VASN: variants seen among roughly 807,000 people sequenced by gnomAD.
VASN encodes the protein protein slit-like 2.
A neutral mutation model predicts 4.8 loss-of-function variants in VASN; 5 were observed. The ratio of observed to expected loss-of-function variants is 1.03; its 90% confidence interval spans 0.54 to 2.17. The LOEUF is 2.17. Ranked by LOEUF, VASN falls within the 30% of genes most tolerant of loss-of-function variation. The probability of loss-of-function intolerance (pLI) is 0.01; values close to 1 mark genes in which losing one functional copy is unlikely to be tolerated. For synonymous variants in VASN, 499 were observed against 460.8 expected (o/e 1.08, Z -1.06); for missense variants, 927 against 948.8 (o/e 0.98, Z 0.30).
rs543752213 is a variant in VASN, at chr16:4,382,148, C to G, written c.1271C>G (p.Thr424Arg). 25 of 1,591,844 alleles carry G rather than the reference C, an allele frequency of 1.6e-5. No homozygotes were observed. In the East Asian group the frequency reaches 5.5e-4, roughly 35 times the overall value. The change falls in exon 2 of 2, where the codon ACA becomes AGA. Residue 424 changes from threonine to arginine, a missense_variant. By Grantham distance (71) the Thr-to-Arg change is moderately conservative (BLOSUM62 -1). Coordinates refer to ENST00000304735, the MANE Select transcript of VASN (RefSeq NM_138440.3). ...AATGGGGGCACATGCCACCTGGGGA[C>G]ACGGCACCACCTGGCGTGCTTGTGC... The part of the protein sequence containing the change: ...CLNGGTCHLG[T>R]RHHLACLCPE...
chr16:4,378,066 C>A (rs1012295620), intron 1 of VASN, among the ~76,000 whole-genome samples: 1 of 152,170 alleles, frequency 6.6e-6, no homozygotes, highest in Non-Finnish European at 1.5e-5. Context: ...GGCTGGTCCC[C>A]CTCCCCAGTG....
chr16:4,379,054 C>G, intron 1 of VASN, among the ~76,000 whole-genome samples: 1 of 152,014 alleles, frequency 6.6e-6, no homozygotes, highest in African/African-American at 2.4e-5. Context: ...TGTCCTGGGA[C>G]CACCTGCTCC....
In VASN at chr16:4,382,672, GT is replaced by G; in HGVS notation, c.1796del (p.Val599GlyfsTer29). Reference sequence around the variant, plus strand: ...GGCTGCGGTGGGGGCAGCCTACTGTGTGCGGCGGGGGCGGGCCATGGCAGCA... The same window carrying G: ...GGCTGCGGTGGGGGCAGCCTACTGTGGCGGCGGGGGCGGGCCATGGCAGCA... ...ALAAVGAAYC[V>X]RRGRAMAAAA... On this transcript the variant is annotated frameshift_variant, in exon 2 of 2. Transcript: ENST00000304735. LOFTEE classifies it high-confidence loss of function. 1 of 1,548,934 alleles carries G rather than the reference GT, an allele frequency of 6.5e-7. No homozygotes were observed. Among genetic ancestry groups the G allele is most frequent in the Non-Finnish European group, 8.7e-7 (1 of 1,148,622 alleles).
chr16:4,375,323 A>C lies in VASN; in HGVS notation c.-10+3330A>C, dbSNP rs145927802. 3.3e-5 allele frequency among the ~76,000 whole-genome samples: 5 copies of C among 152,332 alleles called. No homozygotes were observed. The East Asian group carries it at 9.6e-4, about 29-fold the overall frequency. Reference sequence around the variant, plus strand: ...CTCTCCCAGCCCTGCCAGCTGGTCCACACCTGCTCCAGGATACAGAGCCTC... The same window carrying C: ...CTCTCCCAGCCCTGCCAGCTGGTCCCCACCTGCTCCAGGATACAGAGCCTC... On this transcript the variant is annotated intron_variant, in intron 1 of 1. Transcript: ENST00000304735.
intron 1 of VASN, among the ~76,000 whole-genome samples, chr16:4,373,828 G>C (rs1452908848): frequency 6.6e-6 from 1 of 152,172 alleles, no homozygotes; most frequent in Non-Finnish European, 1.5e-5. Context: ...CAGACAGCCA[G>C]TCCTGCCAGT....
At chr16:4,374,998 C>G (rs576733272) in intron 1 of VASN, among the ~76,000 whole-genome samples, 72 of 152,242 alleles carry the variant, frequency 4.7e-4, no homozygotes, top group African/African-American at 1.7e-3. Flanking sequence ...GGCATCACAC[C>G]TGCCGCGTGC....
At chr16:4,380,676 A>G (rs2054923580) in intron 1 of VASN, among the ~76,000 whole-genome samples, 193 bp from the exon 2 acceptor site, 1 of 152,218 alleles carries the variant, frequency 6.6e-6, no homozygotes, top group Non-Finnish European at 1.5e-5. Flanking sequence ...GTGCATTGAC[A>G]AGGTCACACA....
At chr16:4,373,090 G>C (rs541930586) in intron 1 of VASN, among the ~76,000 whole-genome samples, 9 of 152,240 alleles carry the variant, frequency 5.9e-5, no homozygotes, top group African/African-American at 1.9e-4. Flanking sequence ...GGGCAGCAAA[G>C]TCCAGGATGG....
intron 1 of VASN, among the ~76,000 whole-genome samples, chr16:4,377,219 C>T (rs996878723): frequency 1.3e-5 from 2 of 152,154 alleles, no homozygotes; most frequent in Non-Finnish European, 2.9e-5. Flanking sequence ...CTTCCCACCC[C>T]CCGACGTCCC....
At position 4,383,151 on chromosome 16, in the gene VASN, G is replaced by A. The variant is rs1010911907; in HGVS notation, c.*252G>A. The A allele has an allele frequency of 1.5e-4, 71 of 473,494 alleles. 1 individual carries two copies. In the East Asian group the frequency reaches 2.1e-3, roughly 14 times the overall value. 29.3% of individuals were successfully genotyped at this position (473,494 alleles called of 1,614,324 possible). ...GAGGACAGTGTCCGCCCTGCCCTCC[G>A]CAACGTGCAGTCCCTGGGCACGGCG... On this transcript the variant is annotated 3_prime_UTR_variant, in exon 2 of 2. Coordinates refer to ENST00000304735, the MANE Select transcript of VASN (RefSeq NM_138440.3).
rs1243017439 is a variant in VASN at position 4,382,874 on chromosome 16, C to T, written c.1997C>T (p.Pro666Leu). 1 of 1,553,646 alleles carries T rather than the reference C, an allele frequency of 6.4e-7. No individual in the cohort carries two copies. Among genetic ancestry groups the T allele is most frequent in the Non-Finnish European group, 8.7e-7 (1 of 1,151,204 alleles). The change falls in exon 2 of 2, where the codon CCC becomes CTC. Residue 666 changes from proline to leucine, a missense_variant. Physicochemically the swap from Pro to Leu is moderately conservative, Grantham distance 98. Coordinates refer to ENST00000304735, the MANE Select transcript of VASN (RefSeq NM_138440.3). ...MGFPGPGLQS[P>L]LHAKPYI The stretch of plus-strand genomic sequence containing the variant: ...TTCCCAGGGCCTGGCCTCCAGTCAC[C>T]CCTCCACGCAAAGCCCTACATCTAA...
chr16:4,381,870 GC>G lies in VASN; in HGVS notation c.996del (p.Lys333ArgfsTer68), dbSNP rs778406528. On this transcript the variant is annotated frameshift_variant, in exon 2 of 2. Coordinates refer to ENST00000304735, the MANE Select transcript of VASN (RefSeq NM_138440.3). LOFTEE classifies it low-confidence loss of function (END_TRUNC). ...CTGAGGAGACGCGCTGCCACTTCCC[GC>G]CCAAGAACGCTGGCCGGCTGCTCCT... Reference protein sequence around the residue: ...SPEETRCHFPPKNAGRLLLEL... With the variant: ...SPEETRCHFPXKNAGRLLLEL... 1.9e-6 allele frequency: 3 copies of G among 1,603,584 alleles called. No individual in the cohort carries two copies. Among genetic ancestry groups the G allele is most frequent in the Non-Finnish European group, 8.5e-7 (1 of 1,179,608 alleles).
rs368683941 is a variant in VASN at position 4,381,357 on chromosome 16, G to T, written c.480G>T (p.Leu160=). 1.3e-6 allele frequency: 2 copies of T among 1,598,702 alleles called. No homozygotes were observed. The highest frequency in any genetic ancestry group is 8.5e-7 in the Non-Finnish European group (1 of 1,174,190). ...AGCTCAAGCTGCAGGACAACGAGCT[G>T]CGGGCACTGCCCCCGCTGCGCCTGC... ...LLELKLQDNE[L]RALPPLRLPR... Residue 160 remains leucine (L), a synonymous_variant, in exon 2 of 2, where the codon CTG becomes CTT. Transcript: ENST00000304735.
Position 4,381,287 on chromosome 16 carries a change from G to T in VASN, c.410G>T (p.Arg137Leu). The T allele has an allele frequency of 5.6e-6, 9 of 1,612,222 alleles. No individual in the cohort carries two copies. Among genetic ancestry groups the T allele is most frequent in the Non-Finnish European group, 7.6e-6 (9 of 1,179,744 alleles). ...ERLYLGKNRI[R>L]HIQPGAFDTL... ...CTCTACCTGGGCAAGAACCGCATCC[G>T]CCACATCCAGCCTGGTGCCTTCGAC... is the stretch of plus-strand genomic sequence containing the variant. The change falls in exon 2 of 2, where the codon CGC (arginine) becomes CTC (leucine). Residue 137 changes from arginine to leucine, a missense_variant. By Grantham distance (102) the Arg-to-Leu change is moderately radical. Transcript: ENST00000304735.
At chr16:4,376,464 G>T (rs918542588) in intron 1 of VASN, among the ~76,000 whole-genome samples, 1 of 152,182 alleles carries the variant, frequency 6.6e-6, no homozygotes, top group African/African-American at 2.4e-5. Flanking sequence ...GAAGCATACG[G>T]CACAGGAGGG....
In VASN at chr16:4,381,297, G is replaced by C. The variant is rs1179178884; in HGVS notation, c.420G>C (p.Gln140His). ...YLGKNRIRHI[Q>H]PGAFDTLDRL... ...GCAAGAACCGCATCCGCCACATCCAGCCTGGTGCCTTCGACACGCTCGACC... is the reference window on the plus strand; with the variant it reads ...GCAAGAACCGCATCCGCCACATCCACCCTGGTGCCTTCGACACGCTCGACC... The change falls in exon 2 of 2, where the codon CAG (glutamine) becomes CAC (histidine). Residue 140 changes from glutamine (Q) to histidine (H), a missense_variant. Coordinates refer to ENST00000304735, the MANE Select transcript of VASN (RefSeq NM_138440.3). 1 of 1,612,360 alleles carries C rather than the reference G, an allele frequency of 6.2e-7. No homozygotes were observed.
intron 1 of VASN, among the ~76,000 whole-genome samples, chr16:4,374,364 G>A (rs1484375008): frequency 6.6e-6 from 1 of 152,118 alleles, no homozygotes; most frequent in Non-Finnish European, 1.5e-5. Flanking sequence ...GAGGAGGCTG[G>A]AGGAGGCTCC....
chr16:4,374,301 G>A (rs1380520724), intron 1 of VASN, among the ~76,000 whole-genome samples: 1 of 152,020 alleles, frequency 6.6e-6, no homozygotes, highest in Non-Finnish European at 1.5e-5. Flanking sequence ...CTTTCCCTCC[G>A]CGCTGGGCCG....
chr16:4,374,387 C>T (rs991153678), intron 1 of VASN, among the ~76,000 whole-genome samples: 2 of 151,738 alleles, frequency 1.3e-5, no homozygotes, highest in Non-Finnish European at 2.9e-5. Context: ...CAGGCCACCT[C>T]GGTTTTGGGC....
Sources: gnomAD v4.1 joint callset for allele counts (sites outside exome capture counted in the v4.1 genomes callset) on GRCh38, gnomAD v4.1.1 for gene constraint, MANE v1.5 for transcripts, NCBI Gene and HGNC (gene_info 2026-07-23, HGNC 2026-07-21) for gene names.